KERA: variants seen among roughly 807,000 people sequenced by gnomAD.
The protein encoded by KERA is keratan sulfate proteoglycan keratocan.
A neutral mutation model predicts 26.4 loss-of-function variants in KERA; 25 were observed. The observed-to-expected ratio is 0.95, with a 90% CI of 0.69 to 1.32. The LOEUF (loss-of-function observed/expected upper bound fraction) is 1.32, where lower values mean the gene tolerates loss of function less well. Among genes scored for constraint, KERA ranks in the 40% most tolerant of loss-of-function variants. KERA has a pLI of 0.00. For missense variants in KERA, 434 were observed against 408.9 expected (o/e 1.06, Z -0.53); for synonymous variants, 167 against 146.1 (o/e 1.14, Z -1.03).
rs529744057 is a variant in KERA at position 91,050,976 on chromosome 12, C to A, written c.*370G>T. On this transcript the variant is annotated 3_prime_UTR_variant, in exon 3 of 3. Coordinates refer to ENST00000266719, the MANE Select transcript of KERA (RefSeq NM_007035.4). ...CTCCTGTTTGATTATTACATTTATA[C>A]TGTAAATTACGGTATCTGCATAAGT... The A allele has an allele frequency of 3.1e-5, 6 of 192,810 alleles. No homozygotes were observed. Among genetic ancestry groups the A allele is most frequent in the South Asian group, 2.9e-4 (3 of 10,294 alleles). 11.9% of individuals were successfully genotyped at this position (192,810 alleles called of 1,614,324 possible). A position where few individuals can be genotyped will look rare whatever the true frequency, so the allele number is the denominator to read the frequency against.
chr12:91,054,106 A>G (rs1006483559), intron 2 of KERA, among the ~76,000 whole-genome samples: 1 of 151,304 alleles, frequency 6.6e-6, no homozygotes, highest in Non-Finnish European at 1.5e-5. Flanking sequence ...ATCACCATGG[A>G]AAAATAACCG....
At chr12:91,052,005 GA>G (rs920847166) in intron 2 of KERA, among the ~76,000 whole-genome samples, 1 of 151,438 alleles carries the variant, frequency 6.6e-6, no homozygotes, top group Non-Finnish European at 1.5e-5. Context: ...GAAAATGCTT[GA>G]AAATTACCTT....
intron 1 of KERA, among the ~76,000 whole-genome samples, chr12:91,056,894 G>A (rs191111585): frequency 2.0e-5 from 3 of 151,034 alleles, no homozygotes; most frequent in Non-Finnish European, 4.5e-5. Flanking sequence ...TTTTGAGGGT[G>A]GGGGAAGATG....
intron 1 of KERA, among the ~76,000 whole-genome samples, chr12:91,056,959 T>TTC (rs376005799): frequency 6.0e-5 from 9 of 149,048 alleles, no homozygotes; most frequent in Non-Finnish European, 1.3e-4. Context: ...GAATTATCAA[T>TTC]TCTCTCTCTC....
intron 2 of KERA, among the ~76,000 whole-genome samples, chr12:91,053,388 A>G (rs919179008): frequency 6.6e-6 from 1 of 151,360 alleles, no homozygotes; most frequent in African/African-American, 2.4e-5. Flanking sequence ...CTTCAGACTC[A>G]GGTTCTGGCT....
At position 91,051,437 on chromosome 12, in the gene KERA, C is replaced by A; in HGVS notation, c.968G>T (p.Arg323Leu). Residue 323 changes from arginine to leucine, a missense_variant, in exon 3 of 3, where the codon CGC becomes CTC. Transcript: ENST00000266719. ...TTCATTTCCATCCAGACGGAGGTAG[C>A]GAAGATGAGGTCCATAACTGAAGGA... is the stretch of plus-strand genomic sequence containing the variant. The part of the protein sequence containing the change: ...RDSFSYGPHL[R>L]YLRLDGNEIK... 1 of 1,610,750 alleles carries A rather than the reference C, an allele frequency of 6.2e-7. No homozygotes were observed. The highest frequency in any genetic ancestry group is 8.5e-7 in the Non-Finnish European group (1 of 1,177,750).
chr12:91,055,292 T>C (rs1878963964), intron 2 of KERA, 104 bp downstream of exon 2: 2 of 1,021,892 alleles, frequency 2.0e-6, no homozygotes, highest in Non-Finnish European at 3.0e-6. Flanking sequence ...TAAAGGAACA[T>C]TAGCGGGGGA....
chr12:91,056,102 A>G lies in KERA; in HGVS notation c.180T>C (p.Asn60=), dbSNP rs745496599. 2 of 1,609,800 alleles carry G rather than the reference A, an allele frequency of 1.2e-6. No individual in the cohort carries two copies. Among genetic ancestry groups the G allele is most frequent in the Non-Finnish European group, 1.7e-6 (2 of 1,177,796 alleles). The change falls in exon 2 of 3, where the codon AAT becomes AAC. Residue 60 remains asparagine, a synonymous_variant. Transcript: ENST00000266719. Reference sequence around the variant, plus strand: ...TAGCAGGAATTTCTTTGAGACCTCTATTTTCACAATATAAAGCAGTAGGAA... The same window carrying G: ...TAGCAGGAATTTCTTTGAGACCTCTGTTTTCACAATATAAAGCAGTAGGAA... ...PSFPTALYCE[N]RGLKEIPAIP... is the part of the protein sequence containing the mutation.
At chr12:91,051,621 C>A in intron 2 of KERA, 103 bp from the exon 3 acceptor site, 1 of 803,476 alleles carries the variant, frequency 1.2e-6, no homozygotes, top group Middle Eastern at 2.5e-4. Context: ...GGCTTAGTGG[C>A]CTAATATATG....
Position 91,056,222 on chromosome 12 carries a change from A to G in KERA, c.60T>C (p.Ser20=). ...CTTCATAGACCTGCCTCACACTTCT[A>G]GACCACACAGTGTCTGTTATGAATA... ...WVLFITDTVW[S]RSVRQVYEVH... The change falls in exon 2 of 3, where the codon TCT becomes TCC. Residue 20 remains serine (S), a synonymous_variant. Transcript: ENST00000266719. The G allele has an allele frequency of 3.1e-6, 5 of 1,609,604 alleles. No homozygotes were observed. The highest frequency in any genetic ancestry group is 1.7e-5 in the Admixed American group (1 of 59,668).
intron 1 of KERA, among the ~76,000 whole-genome samples, chr12:91,057,448 T>C (rs1879040590): frequency 6.7e-6 from 1 of 150,322 alleles, no homozygotes. Context: ...TAGGATGAAA[T>C]AAATTTTACT....
chr12:91,054,638 C>G (rs1411062563), intron 2 of KERA, among the ~76,000 whole-genome samples: 2 of 151,328 alleles, frequency 1.3e-5, no homozygotes, highest in Non-Finnish European at 3.0e-5. Flanking sequence ...ATTCATCTCT[C>G]ACTCCCTTAT....
intron 2 of KERA, among the ~76,000 whole-genome samples, chr12:91,053,398 TATTGC>T (rs1321672502): frequency 6.6e-6 from 1 of 151,406 alleles, no homozygotes; most frequent in Non-Finnish European, 1.5e-5. Flanking sequence ...AGGTTCTGGC[TATTGC>T]ATTTACCCTT....
chr12:91,055,287 G>T, intron 2 of KERA, 109 bp downstream of exon 2: 2 of 981,572 alleles, frequency 2.0e-6, no homozygotes, highest in South Asian at 1.4e-5. Context: ...AAATCTAAAG[G>T]AACATTAGCG....
intron 2 of KERA, 138 bp from the exon 3 acceptor site, chr12:91,051,656 T>C (rs1878871178): frequency 1.5e-6 from 1 of 684,592 alleles, no homozygotes; most frequent in South Asian, 1.6e-5. Flanking sequence ...ACAAAACATT[T>C]GTGTCAGTGA....
chr12:91,052,334 G>T (rs1024928633), intron 2 of KERA, among the ~76,000 whole-genome samples: 2 of 151,432 alleles, frequency 1.3e-5, no homozygotes, highest in East Asian at 3.9e-4. Context: ...TGTAACAGCT[G>T]ATTTCAACCA....
chr12:91,056,140 A>G lies in KERA; in HGVS notation c.142T>C (p.Cys48Arg), dbSNP rs1878998534. 2 of 1,610,586 alleles carry G rather than the reference A, an allele frequency of 1.2e-6. No individual in the cohort carries two copies. The highest frequency in any genetic ancestry group is 1.7e-6 in the Non-Finnish European group (2 of 1,177,946). Residue 48 changes from cysteine (C) to arginine (R), a missense_variant, in exon 2 of 3, where the codon TGC becomes CGC. Coordinates refer to ENST00000266719, the MANE Select transcript of KERA (RefSeq NM_007035.4). The stretch of plus-strand genomic sequence containing the variant: ...AAAGCAGTAGGAAAACTGGGTGGGC[A>G]GAAACATTCCATGGGACACTCGAAG... The part of the protein sequence containing the change: ...HDFECPMECF[C>R]PPSFPTALYC...
At chr12:91,051,594 G>A (rs548468843) in intron 2 of KERA, 76 bp from the exon 3 acceptor site, 2 of 1,050,870 alleles carry the variant, frequency 1.9e-6, no homozygotes, top group Admixed American at 3.5e-5. Flanking sequence ...AAAAACTAAT[G>A]CCATGGTCCT....
At chr12:91,052,330 A>T (rs1187697903) in intron 2 of KERA, among the ~76,000 whole-genome samples, 2 of 151,514 alleles carry the variant, frequency 1.3e-5, no homozygotes, top group Admixed American at 6.6e-5. Flanking sequence ...ACTCTGTAAC[A>T]GCTGATTTCA....
Sources: gnomAD v4.1 joint callset for allele counts (sites outside exome capture counted in the v4.1 genomes callset) on GRCh38, gnomAD v4.1.1 for gene constraint, MANE v1.5 for transcripts, NCBI Gene and HGNC (gene_info 2026-07-23, HGNC 2026-07-21) for gene names.